The following JAM3 variants were observed in gnomAD, a reference collection of about 807,000 sequenced individuals.
JAM3 encodes the protein junctional adhesion molecule C.
In JAM3, 31 loss-of-function variants were observed where a neutral mutation model predicts 39.4. The observed-to-expected ratio is 0.79, with a 90% CI of 0.59 to 1.06. The LOEUF (loss-of-function observed/expected upper bound fraction) is 1.06, where lower values mean the gene tolerates loss of function less well. JAM3 is among the 50% of genes least tolerant of loss of function. JAM3 has a pLI of 0.00. For missense variants in JAM3, 455 were observed against 391.4 expected (o/e 1.16, Z -1.37); for synonymous variants, 182 against 148.7 (o/e 1.22, Z -1.63).
intron 1 of JAM3, among the ~76,000 whole-genome samples, chr11:134,122,272 C>T (rs1221945059): frequency 2.0e-5 from 3 of 152,172 alleles, no homozygotes; most frequent in South Asian, 2.1e-4. Flanking sequence ...TATGGCTCTG[C>T]ACAGCAAATT....
intron 1 of JAM3, among the ~76,000 whole-genome samples, chr11:134,107,225 C>G (rs537673749): frequency 1.3e-5 from 2 of 152,140 alleles, no homozygotes; most frequent in African/African-American, 2.4e-5. Context: ...AGCAAACTAT[C>G]GCAAGGACAA....
intron 1 of JAM3, among the ~76,000 whole-genome samples, chr11:134,118,760 G>A (rs767732180): frequency 2.6e-5 from 4 of 151,952 alleles, no homozygotes; most frequent in South Asian, 2.1e-4. Context: ...TCATAGCTTC[G>A]ATTAACATGG....
chr11:134,129,381 G>T (rs1942719736), intron 1 of JAM3, among the ~76,000 whole-genome samples: 1 of 152,152 alleles, frequency 6.6e-6, no homozygotes, highest in African/African-American at 2.4e-5. Context: ...CTCTGAAAGT[G>T]CTGGGATTAC....
At chr11:134,106,955 C>T (rs1942203102) in intron 1 of JAM3, among the ~76,000 whole-genome samples, 1 of 152,130 alleles carries the variant, frequency 6.6e-6, no homozygotes, top group South Asian at 2.1e-4. Flanking sequence ...CTAGAAATAC[C>T]TTTTGACCCA....
chr11:134,146,758 TCTCA>T (rs1401111894), intron 6 of JAM3, among the ~76,000 whole-genome samples: 1 of 151,946 alleles, frequency 6.6e-6, no homozygotes, highest in Admixed American at 6.6e-5. Flanking sequence ...AGATACGGGG[TCTCA>T]CTGTGTTGCC....
At position 134,140,884 on chromosome 11, in the gene JAM3, C is replaced by G. The variant is rs974091792; in HGVS notation, c.256+114C>G. On this transcript the variant is annotated intron_variant, in intron 3 of 8. Coordinates refer to ENST00000299106, the MANE Select transcript of JAM3 (RefSeq NM_032801.5). ...GGTAACCTGCATCTGTAGCTAGGAC[C>G]GTTTTTTTTTTTTTAAAGATTTATA... The G allele has an allele frequency of 1.3e-5, 17 of 1,303,166 alleles. No homozygotes were observed. The Admixed American group carries it at 4.2e-4, about 32-fold the overall frequency. 80.7% of individuals were successfully genotyped at this position (1,303,166 alleles called of 1,614,324 possible).
Position 134,140,005 on chromosome 11 carries a change from TA to T in JAM3, c.142+91del, listed in dbSNP as rs141381598. 0.011 allele frequency: 11,714 copies of T among 1,045,438 alleles called. 916 individuals carry two copies. The African/African-American group carries it at 0.16, about 14-fold the overall frequency. 64.8% of individuals were successfully genotyped at this position (1,045,438 alleles called of 1,614,324 possible). ...CCAACTCAGGACACATCTGTCTCTG[TA>T]AGTGTGCCAGGGAGATGTTCCGGGT... On this transcript the variant is annotated intron_variant, in intron 2 of 8. Coordinates refer to ENST00000299106, the MANE Select transcript of JAM3 (RefSeq NM_032801.5).
At chr11:134,149,096 T>C in intron 8 of JAM3, 50 bp from the exon 9 acceptor site, 1 of 1,612,252 alleles carries the variant, frequency 6.2e-7, no homozygotes, top group South Asian at 1.1e-5. Flanking sequence ...TGTTTTTCCC[T>C]GCTTGCCACC....
At chr11:134,102,870 C>T (rs542246262) in intron 1 of JAM3, among the ~76,000 whole-genome samples, 41 of 152,158 alleles carry the variant, frequency 2.7e-4, no homozygotes, top group Admixed American at 5.2e-4. Context: ...TGTGAAAAGA[C>T]CAAATCTATG....
chr11:134,143,942 G>T (rs1049261039), intron 3 of JAM3, among the ~76,000 whole-genome samples: 2 of 152,094 alleles, frequency 1.3e-5, no homozygotes, highest in Non-Finnish European at 2.9e-5. Context: ...TTCTATTCAT[G>T]GGCGGTCCTT....
At chr11:134,135,305 G>A (rs1463273968) in intron 1 of JAM3, among the ~76,000 whole-genome samples, 1 of 152,148 alleles carries the variant, frequency 6.6e-6, no homozygotes, top group South Asian at 2.1e-4. Context: ...TGGCATCCTT[G>A]TGGAAAATCA....
intron 1 of JAM3, among the ~76,000 whole-genome samples, chr11:134,104,123 G>A (rs545791881): frequency 3.9e-5 from 6 of 152,276 alleles, no homozygotes; most frequent in Non-Finnish European, 5.9e-5. Flanking sequence ...GCACTCCTCA[G>A]CAAATGTAAA....
chr11:134,113,360 A>G (rs1942355879), intron 1 of JAM3, among the ~76,000 whole-genome samples: 1 of 152,086 alleles, frequency 6.6e-6, no homozygotes, highest in Admixed American at 6.6e-5. Flanking sequence ...ACCCCACGAC[A>G]GGCCCTGGTG....
intron 4 of JAM3, 141 bp downstream of exon 4, chr11:134,144,534 T>G (rs1033584850): frequency 4.7e-6 from 5 of 1,059,642 alleles, no homozygotes; most frequent in Non-Finnish European, 7.2e-6. Context: ...GAGCTGAGAC[T>G]GCCTGAGTTG....
intron 1 of JAM3, among the ~76,000 whole-genome samples, chr11:134,104,598 T>C (rs1942144228): frequency 1.3e-5 from 2 of 151,644 alleles, no homozygotes; most frequent in African/African-American, 4.8e-5. Flanking sequence ...TCAACAAAAT[T>C]GATAGACCGC....
chr11:134,103,633 A>G (rs1466790151), intron 1 of JAM3, among the ~76,000 whole-genome samples: 1 of 152,208 alleles, frequency 6.6e-6, no homozygotes, highest in Non-Finnish European at 1.5e-5. Flanking sequence ...ATGTGCGGAG[A>G]CACACATAGG....
intron 3 of JAM3, among the ~76,000 whole-genome samples, chr11:134,143,249 A>C (rs1172669695): frequency 6.6e-6 from 1 of 152,160 alleles, no homozygotes; most frequent in East Asian, 1.9e-4. Flanking sequence ...AACACTTGTT[A>C]TTGTCTGACT....
At chr11:134,092,246 G>A (rs564428141) in intron 1 of JAM3, among the ~76,000 whole-genome samples, 6 of 152,106 alleles carry the variant, frequency 3.9e-5, no homozygotes, top group South Asian at 2.1e-4. Flanking sequence ...TGTGTGATGC[G>A]CTCTGCAGCC....
chr11:134,151,500 G>A lies in JAM3; in HGVS notation c.*2319G>A, dbSNP rs546419698. Reference sequence around the variant, plus strand: ...CTAAAACCTTCTACACTAGTGCCATGGGAACCAGGTCTGAAAAAGTAGAGA... The same window carrying A: ...CTAAAACCTTCTACACTAGTGCCATAGGAACCAGGTCTGAAAAAGTAGAGA... On this transcript the variant is annotated 3_prime_UTR_variant, in exon 9 of 9. Coordinates refer to ENST00000299106, the MANE Select transcript of JAM3 (RefSeq NM_032801.5). 6.6e-6 allele frequency: 1 copy of A among 152,334 alleles called. No homozygotes were observed. The highest frequency in any genetic ancestry group is 1.9e-4 in the East Asian group (1 of 5,184). 9.4% of individuals were successfully genotyped at this position (152,334 alleles called of 1,614,324 possible). A position where few individuals can be genotyped will look rare whatever the true frequency, so the allele number is the denominator to read the frequency against.
Sources: allele counts gnomAD v4.1 joint callset (sites outside exome capture counted in the v4.1 genomes callset), GRCh38; gene constraint gnomAD v4.1.1; transcripts MANE v1.5; gene names NCBI Gene and HGNC (gene_info 2026-07-23, HGNC 2026-07-21).